CDH9: variants seen among roughly 807,000 people sequenced by gnomAD.
CDH9 encodes the protein cadherin-9.
A neutral mutation model predicts 70.9 loss-of-function variants in CDH9; 28 were observed. The observed-to-expected ratio is 0.40, with a 90% CI of 0.29 to 0.54. CDH9 has a LOEUF of 0.54. CDH9 is among the 20% of genes least tolerant of loss of function. The pLI is 0.59. For missense variants in CDH9, 874 were observed against 984.4 expected (o/e 0.89, Z 1.50); for synonymous variants, 409 against 343.1 (o/e 1.19, Z -2.12).
At chr5:26,906,337 ATCAATGTATTTAATTT>A (rs1740948267) in intron 4 of CDH9, among the ~76,000 whole-genome samples, 2 of 152,208 alleles carry the variant, frequency 1.3e-5, no homozygotes, top group Non-Finnish European at 2.9e-5. Flanking sequence ...GTTTTGCTAA[ATCAATGTATTTAATTT>A]TTTTGATTAC....
At chr5:26,885,894 A>G in intron 10 of CDH9, 29 bp from the exon 11 acceptor site, 2 of 1,607,008 alleles carry the variant, frequency 1.2e-6, no homozygotes, top group Middle Eastern at 1.7e-4. Flanking sequence ...AAAAAAACAA[A>G]AACTTTCATA....
rs1740883735 is a variant in CDH9 at position 26,902,997 on chromosome 5, G to T, written c.1000-268C>A. The stretch of plus-strand genomic sequence containing the variant: ...TTCATTTTTTTGGTGACAAGTAAAT[G>T]AAGTATTATCTAATGGATTTATACA... On this transcript the variant is annotated intron_variant, in intron 6 of 11. Coordinates refer to ENST00000231021, the MANE Select transcript of CDH9 (RefSeq NM_016279.4). 5 of 317,112 alleles carry T rather than the reference G, an allele frequency of 1.6e-5. No individual in the cohort carries two copies. The South Asian group carries it at 1.6e-4, about 10-fold the overall frequency. 19.6% of individuals were successfully genotyped at this position (317,112 alleles called of 1,614,324 possible).
intron 2 of CDH9, among the ~76,000 whole-genome samples, chr5:26,943,281 G>T (rs1446775319): frequency 6.6e-6 from 1 of 152,138 alleles, no homozygotes; most frequent in Non-Finnish European, 1.5e-5. Context: ...GGAGGCCGAG[G>T]CGGGCAGATC....
chr5:27,018,288 C>T (rs900290349), intron 1 of CDH9, among the ~76,000 whole-genome samples: 26 of 151,424 alleles, frequency 1.7e-4, no homozygotes, highest in African/African-American at 5.3e-4. Flanking sequence ...ATTTTCCTCA[C>T]GTATGTATCA....
intron 7 of CDH9, among the ~76,000 whole-genome samples, chr5:26,897,308 A>G (rs947173007): frequency 6.6e-6 from 1 of 152,116 alleles, no homozygotes; most frequent in Admixed American, 6.6e-5. Flanking sequence ...GACTCTCCCC[A>G]ATTCATTTTA....
chr5:26,931,700 T>C (rs1337266756), intron 2 of CDH9, among the ~76,000 whole-genome samples: 1 of 152,128 alleles, frequency 6.6e-6, no homozygotes, highest in African/African-American at 2.4e-5. Flanking sequence ...ACTTAGGAAG[T>C]ACCAGAAGAA....
intron 2 of CDH9, among the ~76,000 whole-genome samples, chr5:26,962,416 G>C (rs1171275855): frequency 6.6e-6 from 1 of 152,166 alleles, no homozygotes; most frequent in Non-Finnish European, 1.5e-5. Flanking sequence ...CACAATGGTT[G>C]AATTAATTTA....
intron 2 of CDH9, among the ~76,000 whole-genome samples, chr5:26,967,660 A>G (rs567093263): frequency 6.6e-6 from 1 of 152,182 alleles, no homozygotes; most frequent in East Asian, 1.9e-4. Flanking sequence ...TACTCACAAC[A>G]TCCTATTTTA....
At chr5:26,896,586 A>G (rs1740755598) in intron 7 of CDH9, among the ~76,000 whole-genome samples, 1 of 151,928 alleles carries the variant, frequency 6.6e-6, no homozygotes, top group Admixed American at 6.6e-5. Flanking sequence ...ACAGAATGAA[A>G]TGAAGGCAGA....
intron 5 of CDH9, among the ~76,000 whole-genome samples, chr5:26,904,728 C>T (rs1740915550): frequency 6.6e-6 from 1 of 151,894 alleles, no homozygotes. Context: ...GAATTCTGAC[C>T]ACCTGGCCAG....
chr5:26,902,883 AAT>A lies in CDH9; in HGVS notation c.1000-156_1000-155del. On this transcript the variant is annotated intron_variant, in intron 6 of 11. Transcript: ENST00000231021. The stretch of plus-strand genomic sequence containing the variant: ...CATAGGTATATGAAATAAATTTATA[AAT>A]ATATGTTTTGCCATACACTTATTCA... 7.0e-6 allele frequency: 4 copies of A among 572,650 alleles called. 1 individual carries two copies. In the South Asian group the frequency reaches 9.1e-5, roughly 13 times the overall value. 35.5% of individuals were successfully genotyped at this position (572,650 alleles called of 1,614,324 possible).
intron 2 of CDH9, among the ~76,000 whole-genome samples, chr5:26,916,641 C>T (rs1266783615): frequency 6.6e-6 from 1 of 151,870 alleles, no homozygotes; most frequent in Non-Finnish European, 1.5e-5. Flanking sequence ...CTCAAAATAT[C>T]TTGTTGTTAT....
chr5:27,009,833 T>A (rs1413414946), intron 1 of CDH9, among the ~76,000 whole-genome samples: 2 of 152,130 alleles, frequency 1.3e-5, no homozygotes, highest in Non-Finnish European at 2.9e-5. Context: ...AGAAATAGCA[T>A]CTTTTTAAGC....
At chr5:26,892,373 A>G (rs1431278516) in intron 7 of CDH9, among the ~76,000 whole-genome samples, 1 of 152,140 alleles carries the variant, frequency 6.6e-6, no homozygotes, top group African/African-American at 2.4e-5. Flanking sequence ...GGGAGCTGAG[A>G]TTGTGCATTT....
chr5:27,016,477 T>A (rs1366782484), intron 1 of CDH9, among the ~76,000 whole-genome samples: 1 of 151,882 alleles, frequency 6.6e-6, no homozygotes, highest in South Asian at 2.1e-4. Flanking sequence ...TTAAAATGCA[T>A]GTGCTATACA....
chr5:26,971,844 A>G (rs9293258), intron 2 of CDH9, among the ~76,000 whole-genome samples: 70,553 of 152,008 alleles, frequency 0.46, 17,238 homozygotes, highest in Non-Finnish European at 0.53. Context: ...CACAGAGACA[A>G]CAACCACTGA....
chr5:26,967,078 A>G (rs1399746827), intron 2 of CDH9, among the ~76,000 whole-genome samples: 2 of 151,882 alleles, frequency 1.3e-5, no homozygotes, highest in Non-Finnish European at 2.9e-5. Flanking sequence ...GACCACATAC[A>G]TGCCACACCA....
chr5:26,917,883 G>T (rs1321661116), intron 2 of CDH9, among the ~76,000 whole-genome samples: 1 of 152,064 alleles, frequency 6.6e-6, no homozygotes, highest in Non-Finnish European at 1.5e-5. Flanking sequence ...CAGCATTTAA[G>T]AACTGTAAAC....
intron 1 of CDH9, among the ~76,000 whole-genome samples, chr5:27,034,051 A>G (rs2112138631): frequency 6.6e-6 from 1 of 151,836 alleles, no homozygotes; most frequent in Non-Finnish European, 1.5e-5. Flanking sequence ...AGCTTATTAC[A>G]CTTTGGAAAC....
Sources: gnomAD v4.1 joint callset for allele counts (sites outside exome capture counted in the v4.1 genomes callset) on GRCh38, gnomAD v4.1.1 for gene constraint, MANE v1.5 for transcripts, NCBI Gene and HGNC (gene_info 2026-07-23, HGNC 2026-07-21) for gene names.